Variants in PCDHGB4 observed in about 807,000 individuals in gnomAD.
PCDHGB4 encodes protocadherin gamma subfamily B, 4.
A neutral mutation model predicts 60.5 loss-of-function variants in PCDHGB4; 38 were observed. The observed-to-expected ratio is 0.63, with a 90% CI of 0.48 to 0.82. The LOEUF is 0.82. Among genes scored for constraint, PCDHGB4 ranks in the 40% least tolerant of loss-of-function variants. The probability of loss-of-function intolerance (pLI) is 0.00; values close to 1 mark genes in which losing one functional copy is unlikely to be tolerated. For missense variants in PCDHGB4, 1,109 were observed against 1,209.6 expected (o/e 0.92, Z 1.23); for synonymous variants, 456 against 509.7 (o/e 0.89, Z 1.42).
At position 141,491,134 on chromosome 5, in the gene PCDHGB4, C is replaced by T. The variant is rs1594979273; in HGVS notation, c.2398-3673C>T. Reference sequence around the variant, plus strand: ...ACACACTGGTGAGGTGCGCACAGCCCGGGCCTTACTGGAGGATGACTCTGA... The same window carrying T: ...ACACACTGGTGAGGTGCGCACAGCCTGGGCCTTACTGGAGGATGACTCTGA... On this transcript the variant is annotated intron_variant, in intron 1 of 3. Transcript: ENST00000519479. The surrounding 1 kb of genome is among the most constrained non-coding windows in gnomAD (Gnocchi z 6.9). The T allele has an allele frequency of 6.2e-7, 1 of 1,614,138 alleles. No homozygotes were observed. Among genetic ancestry groups the T allele is most frequent in the Non-Finnish European group, 8.5e-7 (1 of 1,179,994 alleles).
intron 1 of PCDHGB4, chr5:141,419,317 T>G: frequency 1.2e-6 from 2 of 1,613,952 alleles, no homozygotes; most frequent in Non-Finnish European, 1.7e-6. Context: ...TCAACGGCCG[T>G]GTCTCCTACT....
chr5:141,494,510 C>T (rs1462702765), intron 1 of PCDHGB4, among the ~76,000 whole-genome samples: 1 of 152,156 alleles, frequency 6.6e-6, no homozygotes, highest in Non-Finnish European at 1.5e-5. Context: ...TGAATTTTGG[C>T]TCAGGAGTTC....
At position 141,505,403 on chromosome 5, in the gene PCDHGB4, G is replaced by A; in HGVS notation, c.2467G>A (p.Gly823Ser). The A allele has an allele frequency of 6.2e-7, 1 of 1,614,186 alleles. No individual in the cohort carries two copies. The highest frequency in any genetic ancestry group is 8.5e-7 in the Non-Finnish European group (1 of 1,180,038). ...QRPGTSGSQN[G>S]DDTGTWPNNQ... ...CTACTCTCTCCCCAGCTCCCAAAAT[G>A]GCGATGACACCGGCACCTGGCCCAA... Residue 823 changes from glycine (G) to serine (S), a missense_variant, in exon 3 of 4, where the codon GGC (glycine) becomes AGC (serine). This residue lies in a region of PCDHGB4 where 1,068 missense variants were observed against 1,089.9 expected (regional missense o/e 0.98). Coordinates refer to ENST00000519479, the MANE Select transcript of PCDHGB4 (RefSeq NM_003736.4).
Position 141,477,952 on chromosome 5 carries a change from A to T in PCDHGB4, c.2398-16855A>T, listed in dbSNP as rs907708638. ...CCTGGCTCTCCTACAGTCTCTTGGG[A>T]TCCCCTAACCAGAGCCTTTTTGCCA... On this transcript the variant is annotated intron_variant, in intron 1 of 3. Coordinates refer to ENST00000519479, the MANE Select transcript of PCDHGB4 (RefSeq NM_003736.4). This position sits in a 1 kb window ranked among gnomAD's most constrained non-coding sequence, Gnocchi z 4.9. The T allele has an allele frequency of 1.9e-6, 3 of 1,613,920 alleles. No individual in the cohort carries two copies. The African/African-American group carries it at 4.0e-5, about 22-fold the overall frequency.
chr5:141,469,704 C>T (rs1038504640), intron 1 of PCDHGB4, among the ~76,000 whole-genome samples: 9 of 152,340 alleles, frequency 5.9e-5, no homozygotes, highest in African/African-American at 1.9e-4. Flanking sequence ...ACCTAGTAAT[C>T]ACACTATTAG....
At position 141,491,539 on chromosome 5, in the gene PCDHGB4, A is replaced by G; in HGVS notation, c.2398-3268A>G. ...GTACATGGAGGTGACGCTGCGGCCC[A>G]CAGACTCGCAGAGCCACTGCTACAG... On this transcript the variant is annotated intron_variant, in intron 1 of 3. Coordinates refer to ENST00000519479, the MANE Select transcript of PCDHGB4 (RefSeq NM_003736.4). This position sits in a 1 kb window ranked among gnomAD's most constrained non-coding sequence, Gnocchi z 6.9. The G allele has an allele frequency of 6.2e-7, 1 of 1,613,968 alleles. No homozygotes were observed. The highest frequency in any genetic ancestry group is 1.1e-5 in the South Asian group (1 of 91,074).
At chr5:141,403,811 A>C in intron 1 of PCDHGB4, 1 of 1,613,930 alleles carries the variant, frequency 6.2e-7, no homozygotes, top group Non-Finnish European at 8.5e-7. Flanking sequence ...AATTAATGAA[A>C]AACAATCTCT....
chr5:141,404,468 T>G, intron 1 of PCDHGB4: 2 of 1,613,514 alleles, frequency 1.2e-6, no homozygotes, highest in Non-Finnish European at 8.5e-7. Context: ...CACCTATGTC[T>G]CTATTAACTC....
chr5:141,468,809 T>A (rs1473677700), intron 1 of PCDHGB4, among the ~76,000 whole-genome samples: 1 of 151,850 alleles, frequency 6.6e-6, no homozygotes, highest in Admixed American at 6.6e-5. Flanking sequence ...GAACTTGCAG[T>A]GAGCCAAGAT....
At chr5:141,451,954 G>A (rs2098729151) in intron 1 of PCDHGB4, among the ~76,000 whole-genome samples, 1 of 152,084 alleles carries the variant, frequency 6.6e-6, no homozygotes, top group Non-Finnish European at 1.5e-5. Flanking sequence ...CCGAGAAAGT[G>A]ACATACCATC....
intron 1 of PCDHGB4, among the ~76,000 whole-genome samples, chr5:141,420,845 G>A (rs1038454602): frequency 6.6e-6 from 1 of 152,200 alleles, no homozygotes; most frequent in African/African-American, 2.4e-5. Flanking sequence ...GGTGTTCTTG[G>A]TAAAGTTTTA....
Position 141,489,585 on chromosome 5 carries a change from G to C in PCDHGB4, c.2398-5222G>C. The C allele has an allele frequency of 6.2e-7, 1 of 1,614,090 alleles. No individual in the cohort carries two copies. On this transcript the variant is annotated intron_variant, in intron 1 of 3. Transcript: ENST00000519479. This position sits in a 1 kb window ranked among gnomAD's most constrained non-coding sequence, Gnocchi z 4.5. ...AGGTGGTGACTGAACACCCCCTGGA[G>C]CTAATCCGTGTAGAGGTAGAGATCC...
intron 1 of PCDHGB4, chr5:141,422,354 A>G: frequency 6.4e-7 from 1 of 1,557,090 alleles, no homozygotes; most frequent in Non-Finnish European, 8.6e-7. Flanking sequence ...CAAGATCAAG[A>G]TTCTGGAGAA....
intron 1 of PCDHGB4, chr5:141,415,314 C>G (rs375384840): frequency 1.9e-6 from 3 of 1,614,238 alleles, no homozygotes; most frequent in South Asian, 1.1e-5. Context: ...CCTTCGTCAT[C>G]GTGCTGCTGG....
At position 141,511,148 on chromosome 5, in the gene PCDHGB4, A is replaced by C; in HGVS notation, c.2747A>C (p.Lys916Thr). Residue 916 changes from lysine to threonine, a missense_variant, in exon 4 of 4, where the codon AAG (lysine) becomes ACG (threonine). Coordinates refer to ENST00000519479, the MANE Select transcript of PCDHGB4 (RefSeq NM_003736.4). ...APAGGNGNKKKSGKKEKK is the reference protein window; with the variant it reads ...APAGGNGNKKTSGKKEKK ...GCAGGTGGCAATGGCAACAAGAAGA[A>C]GTCGGGCAAGAAGGAGAAGAAGTAA... is the stretch of plus-strand genomic sequence containing the variant. The C allele has an allele frequency of 6.2e-7, 1 of 1,614,202 alleles. No individual in the cohort carries two copies. Among genetic ancestry groups the C allele is most frequent in the East Asian group, 2.2e-5 (1 of 44,882 alleles).
At chr5:141,442,759 A>G (rs2098341868) in intron 1 of PCDHGB4, among the ~76,000 whole-genome samples, 1 of 152,152 alleles carries the variant, frequency 6.6e-6, no homozygotes, top group Non-Finnish European at 1.5e-5. Flanking sequence ...GATTATATAT[A>G]TTTGTATGTG....
Position 141,432,483 on chromosome 5 carries a change from T to C in PCDHGB4, c.2397+42202T>C, listed in dbSNP as rs776090923. The C allele has an allele frequency of 6.2e-7, 1 of 1,614,136 alleles. No homozygotes were observed. The highest frequency in any genetic ancestry group is 1.1e-5 in the South Asian group (1 of 91,078). ...CTCCCCACGGACGGTTCCACTGGCG[T>C]GGAGCTGGCTCCCCGCTCCGCAGAG... On this transcript the variant is annotated intron_variant, in intron 1 of 3. Coordinates refer to ENST00000519479, the MANE Select transcript of PCDHGB4 (RefSeq NM_003736.4). The surrounding 1 kb of genome is among the most constrained non-coding windows in gnomAD (Gnocchi z 6.0).
intron 1 of PCDHGB4, chr5:141,404,335 C>G (rs2094514976): frequency 1.2e-6 from 2 of 1,613,936 alleles, no homozygotes; most frequent in Non-Finnish European, 1.7e-6. Context: ...CAGTCTACCT[C>G]CCGGAAAACA....
chr5:141,428,061 G>A (rs755817800), intron 1 of PCDHGB4: 1 of 1,609,154 alleles, frequency 6.2e-7, no homozygotes, highest in South Asian at 1.1e-5. Flanking sequence ...GGTGGCGGTG[G>A]ACGCAGATTC....
Sources: allele counts gnomAD v4.1 joint callset (sites outside exome capture counted in the v4.1 genomes callset), GRCh38; gene constraint gnomAD v4.1.1; regional missense constraint gnomAD v4.1.1; non-coding constraint Gnocchi (gnomAD v3.1); transcripts MANE v1.5; gene names NCBI Gene and HGNC (gene_info 2026-07-23, HGNC 2026-07-21).